ZNF106: variants seen among roughly 807,000 people sequenced by gnomAD.
The protein encoded by ZNF106 is zinc finger protein 106, also known as SH3-domain binding protein 3.
ZNF106 carries 67 observed loss-of-function variants against 195.1 expected under a neutral mutation model. The ratio of observed to expected loss-of-function variants is 0.34; its 90% confidence interval spans 0.28 to 0.42. The LOEUF (loss-of-function observed/expected upper bound fraction) is 0.42. ZNF106 is among the 10% of genes least tolerant of loss of function. ZNF106 has a pLI of 1.00. For missense variants in ZNF106, 2,118 were observed against 2,304.5 expected, an observed-to-expected ratio of 0.92 and a Z score of 1.66; for synonymous variants, 784 against 818.6, an observed-to-expected ratio of 0.96 and a Z score of 0.72.
chr15:42,438,144 T>C (rs1355152096), intron 12 of ZNF106, among the ~76,000 whole-genome samples: 1 of 152,014 alleles, frequency 6.6e-6, no homozygotes, highest in African/African-American at 2.4e-5. Context: ...CCCAGCACTT[T>C]GGGAGGACAA....
At chr15:42,472,938 G>C (rs867699180) in intron 1 of ZNF106, among the ~76,000 whole-genome samples, 1 of 151,586 alleles carries the variant, frequency 6.6e-6, no homozygotes, top group Non-Finnish European at 1.5e-5. Context: ...ACCCAAGAGC[G>C]GAGGTTGCAG....
Position 42,451,230 on chromosome 15 carries a change from T to C in ZNF106, c.1042A>G (p.Lys348Glu). ...NFEQLESQTT[K>E]QADTATSKVS... ...TTGGAAGTAGCAGTGTCTGCTTGTT[T>C]AGTGGTTTGGCTTTCCAGCTGCTCA... Residue 348 changes from lysine (K) to glutamate (E), a missense_variant, in exon 5 of 22, where the codon AAA becomes GAA. By Grantham distance (56) the Lys-to-Glu change is moderately conservative. Coordinates refer to ENST00000564754, the MANE Select transcript of ZNF106 (RefSeq NM_001366845.3). 6.2e-7 allele frequency: 1 copy of C among 1,614,118 alleles called. No individual in the cohort carries two copies. Among genetic ancestry groups the C allele is most frequent in the Non-Finnish European group, 8.5e-7 (1 of 1,180,018 alleles).
chr15:42,481,677 G>C (rs1445572089), intron 1 of ZNF106, among the ~76,000 whole-genome samples: 2 of 151,966 alleles, frequency 1.3e-5, no homozygotes, highest in East Asian at 1.9e-4. Flanking sequence ...TTTCTTGAAG[G>C]CTATTCTGCT....
At chr15:42,453,802 G>A (rs567117442) in intron 4 of ZNF106, among the ~76,000 whole-genome samples, 114 of 152,166 alleles carry the variant, frequency 7.5e-4, no homozygotes, top group Non-Finnish European at 1.3e-3. Context: ...CACCATGTTG[G>A]CCAGGCTGGT....
chr15:42,443,118 T>G (rs937735093), intron 9 of ZNF106, among the ~76,000 whole-genome samples: 11 of 152,158 alleles, frequency 7.2e-5, no homozygotes, highest in African/African-American at 2.4e-4. Flanking sequence ...TCCACCTGCC[T>G]CAGACTCCCA....
At chr15:42,459,340 G>A (rs112601820) in intron 3 of ZNF106, among the ~76,000 whole-genome samples, 2,169 of 152,102 alleles carry the variant, frequency 0.014, 46 homozygotes, top group African/African-American at 0.047. Flanking sequence ...GACGGGCATG[G>A]TGGCGGGCAC....
chr15:42,487,560 C>T (rs1362372492), intron 1 of ZNF106, among the ~76,000 whole-genome samples: 1 of 151,256 alleles, frequency 6.6e-6, no homozygotes, highest in African/African-American at 2.4e-5. Context: ...TCCTAGCCAC[C>T]GCCACTTCCA....
chr15:42,422,440 C>T (rs2054698343), intron 18 of ZNF106, 61 bp downstream of exon 18: 1 of 1,577,602 alleles, frequency 6.3e-7, no homozygotes, highest in African/African-American at 1.3e-5. Context: ...AAAATCAACA[C>T]TAAACCCAAA....
At chr15:42,477,649 G>A (rs1318063279) in intron 1 of ZNF106, among the ~76,000 whole-genome samples, 1 of 152,226 alleles carries the variant, frequency 6.6e-6, no homozygotes, top group Admixed American at 6.5e-5. Flanking sequence ...AACACTTTGG[G>A]AGGCTGAGGC....
At position 42,472,259 on chromosome 15, in the gene ZNF106, G is replaced by A; in HGVS notation, c.31C>T (p.His11Tyr). Reference sequence around the variant, plus strand: ...ACCTTTTTTGAGCTGTACACGATGTGGCATAATATGCATTTTCGTTCTCGT... The same window carrying A: ...ACCTTTTTTGAGCTGTACACGATGTAGCATAATATGCATTTTCGTTCTCGT... MVRERKCILC[H>Y]IVYSSKKEMD... The change falls in exon 2 of 22, where the codon CAC becomes TAC. Residue 11 changes from histidine to tyrosine, a missense_variant. Transcript: ENST00000564754. 6.5e-7 allele frequency: 1 copy of A among 1,535,590 alleles called. No individual in the cohort carries two copies. Among genetic ancestry groups the A allele is most frequent in the South Asian group, 1.2e-5 (1 of 83,984 alleles).
rs1489504885 is a variant in ZNF106, at chr15:42,448,624, T to C, written c.2583A>G (p.Leu861=). ...AAACACCTTCCCACTGGAATCCTTCTAGACTGGACAGATCAGGTTCCCCAT... is the reference window on the plus strand; with the variant it reads ...AAACACCTTCCCACTGGAATCCTTCCAGACTGGACAGATCAGGTTCCCCAT... ...DLDGEPDLSS[L]EGFQWEGVSI... Residue 861 remains leucine (L), a synonymous_variant, in exon 6 of 22, where the codon CTA becomes CTG. Coordinates refer to ENST00000564754, the MANE Select transcript of ZNF106 (RefSeq NM_001366845.3). The C allele has an allele frequency of 2.5e-6, 4 of 1,613,886 alleles. No homozygotes were observed. The highest frequency in any genetic ancestry group is 2.7e-5 in the African/African-American group (2 of 74,944).
intron 1 of ZNF106, among the ~76,000 whole-genome samples, chr15:42,489,917 C>T (rs1398364465): frequency 1.3e-5 from 2 of 151,878 alleles, no homozygotes; most frequent in African/African-American, 2.4e-5. Flanking sequence ...TGCACGCCTG[C>T]AATCCCAGCT....
chr15:42,442,412 T>C lies in ZNF106; in HGVS notation c.3424A>G (p.Thr1142Ala), dbSNP rs778436819. Residue 1142 changes from threonine to alanine, a missense_variant and splice_region_variant, in exon 10 of 22, where the codon ACA becomes GCA. Transcript: ENST00000564754. ...RIQILQGLQE[T>A]YEPSEHPDQV... ...TCTGGGTGCTCAGAAGGTTCATATG[T>C]TTCTAGAATGGGAAACATACATACA... 1.9e-5 allele frequency: 30 copies of C among 1,600,708 alleles called. No individual in the cohort carries two copies. The highest frequency in any genetic ancestry group is 2.4e-5 in the Non-Finnish European group (28 of 1,171,700).
chr15:42,448,059 G>C lies in ZNF106; in HGVS notation c.3135+13C>G, dbSNP rs958130702. 22 of 1,598,056 alleles carry C rather than the reference G, an allele frequency of 1.4e-5. No homozygotes were observed. Among genetic ancestry groups the C allele is most frequent in the Non-Finnish European group, 1.9e-5 (22 of 1,170,778 alleles). ...TGCGATGTTCTACAAAAAGCAGAGG[G>C]AATTATACTCACTCCAGTGGCTCTT... On this transcript the variant is annotated intron_variant, in intron 6 of 21. Transcript: ENST00000564754.
Position 42,448,656 on chromosome 15 carries a change from C to G in ZNF106, c.2551G>C (p.Asp851His). The change falls in exon 6 of 22, where the codon GAT (aspartate) becomes CAT (histidine). Residue 851 changes from aspartate (D) to histidine (H), a missense_variant. By Grantham distance (81) the Asp-to-His change is moderately conservative (BLOSUM62 -1). Coordinates refer to ENST00000564754, the MANE Select transcript of ZNF106 (RefSeq NM_001366845.3). ...PLVQNEQEAL[D>H]LDGEPDLSSL... ...GACAGATCAGGTTCCCCATCCAAAT[C>G]TAAGGCTTCTTGTTCATTTTGAACA... The G allele has an allele frequency of 6.2e-7, 1 of 1,612,434 alleles. No homozygotes were observed. The highest frequency in any genetic ancestry group is 8.5e-7 in the Non-Finnish European group (1 of 1,179,920).
At chr15:42,478,228 A>G (rs945813793) in intron 1 of ZNF106, among the ~76,000 whole-genome samples, 3 of 152,226 alleles carry the variant, frequency 2.0e-5, no homozygotes, top group Non-Finnish European at 4.4e-5. Flanking sequence ...CAATGGCACA[A>G]TCTTGGCTCA....
At position 42,442,354 on chromosome 15, in the gene ZNF106, C is replaced by G; in HGVS notation, c.3482G>C (p.Arg1161Thr). ...AATGGATGTTTGAGATCTACTGTTCCTTCGTTCTCGTGTGAGGCTACAGGG... is the reference window on the plus strand; with the variant it reads ...AATGGATGTTTGAGATCTACTGTTCGTTCGTTCTCGTGTGAGGCTACAGGG... ...QVPCSLTRER[R>T]NSRSQTSIDA... Residue 1161 changes from arginine (R) to threonine (T), a missense_variant, in exon 10 of 22, where the codon AGG becomes ACG. By Grantham distance (71) the Arg-to-Thr change is moderately conservative (BLOSUM62 -1). Coordinates refer to ENST00000564754, the MANE Select transcript of ZNF106 (RefSeq NM_001366845.3). 1 of 1,614,138 alleles carries G rather than the reference C, an allele frequency of 6.2e-7. No homozygotes were observed. The highest frequency in any genetic ancestry group is 8.5e-7 in the Non-Finnish European group (1 of 1,180,040).
At position 42,448,201 on chromosome 15, in the gene ZNF106, A is replaced by G. The variant is rs750731128; in HGVS notation, c.3006T>C (p.Cys1002=). The change falls in exon 6 of 22, where the codon TGT becomes TGC. Residue 1002 remains cysteine (C), a synonymous_variant. Coordinates refer to ENST00000564754, the MANE Select transcript of ZNF106 (RefSeq NM_001366845.3). Reference sequence around the variant, plus strand: ...GGGCTGAGGATGCGCTTGATGACAGACAGTTTCCCTCTCCATTACTCTCCT... The same window carrying G: ...GGGCTGAGGATGCGCTTGATGACAGGCAGTTTCCCTCTCCATTACTCTCCT... ...NSQESNGEGN[C]LSSSASSALA... is the part of the protein sequence containing the mutation. 4 of 1,614,008 alleles carry G rather than the reference A, an allele frequency of 2.5e-6. No individual in the cohort carries two copies. The African/African-American group carries it at 5.3e-5, about 22-fold the overall frequency.
intron 13 of ZNF106, 144 bp downstream of exon 13, chr15:42,437,088 T>G (rs3742997): frequency 3.0e-5 from 23 of 769,664 alleles, no homozygotes; most frequent in Non-Finnish European, 3.8e-5. Flanking sequence ...TTGCTGAGCT[T>G]CTGGATTAAA....
Sources: allele counts gnomAD v4.1 joint callset (sites outside exome capture counted in the v4.1 genomes callset), GRCh38; gene constraint gnomAD v4.1.1; transcripts MANE v1.5; gene names NCBI Gene and HGNC (gene_info 2026-07-23, HGNC 2026-07-21).